The following STS variants were observed in gnomAD, a reference collection of about 807,000 sequenced individuals.
The protein encoded by STS is steryl-sulfatase.
Under a neutral mutation model 26.8 loss-of-function variants are expected in STS, and 7 were observed. The ratio of observed to expected loss-of-function variants is 0.26; its 90% CI spans 0.15 to 0.49. The LOEUF is 0.49. Among genes scored for constraint, STS ranks in the 20% least tolerant of loss-of-function variants. The pLI, the probability that STS is intolerant of heterozygous loss-of-function variation, is 0.98. For synonymous variants in STS, 199 were observed against 189.4 expected, an observed-to-expected ratio of 1.05 and a Z score of -0.42; for missense variants, 434 against 465.6, an observed-to-expected ratio of 0.93 and a Z score of 0.63.
At chrX:7,198,815 A>G (rs1386863788) in intron 2 of STS, among the ~76,000 whole-genome samples, 4 of 112,693 alleles carry the variant, frequency 3.5e-5, no homozygotes, top group African/African-American at 1.3e-4. Context: ...TTGAGTTTAT[A>G]TCCTCAAATA....
At chrX:7,336,840 G>A (rs1469193844) in intron 10 of STS, among the ~76,000 whole-genome samples, 1 of 112,025 alleles carries the variant, frequency 8.9e-6, no homozygotes, top group Admixed American at 9.5e-5. Context: ...AGAGAAGCGG[G>A]AAGGAACATA....
chrX:7,216,687 G>A (rs1338352082), intron 2 of STS, among the ~76,000 whole-genome samples: 4 of 111,468 alleles, frequency 3.6e-5, no homozygotes, highest in African/African-American at 1.3e-4. Context: ...AGGGTTCTGG[G>A]GGAAAGAGGG....
chrX:7,204,045 C>G (rs1934131431), intron 2 of STS, among the ~76,000 whole-genome samples: 1 of 111,963 alleles, frequency 8.9e-6, no homozygotes, highest in Non-Finnish European at 1.9e-5. Flanking sequence ...CTTGGCCTCC[C>G]AAAGTGCTGG....
chrX:7,292,099 A>C (rs1468841947), intron 7 of STS, among the ~76,000 whole-genome samples: 1 of 112,925 alleles, frequency 8.9e-6, no homozygotes, highest in African/African-American at 3.2e-5. Flanking sequence ...TTTTGTTTAC[A>C]CAACTTGACA....
chrX:7,200,750 G>T (rs780197454), intron 2 of STS, among the ~76,000 whole-genome samples: 29 of 111,314 alleles, frequency 2.6e-4, no homozygotes, highest in Non-Finnish European at 5.3e-4. Context: ...AGCATATTTT[G>T]TAGTCTCATC....
intron 1 of STS, among the ~76,000 whole-genome samples, chrX:7,175,152 A>C (rs113506709): frequency 1.1e-5 from 1 of 95,095 alleles, no homozygotes; most frequent in African/African-American, 4.0e-5. Context: ...TCCAAATTCT[A>C]TCTTTTTCAC....
intron 5 of STS, among the ~76,000 whole-genome samples, chrX:7,258,080 A>C (rs371182201): frequency 8.8e-4 from 88 of 100,548 alleles, no homozygotes; most frequent in African/African-American, 3.0e-3. Context: ...AGCTAGCTAG[A>C]TAGATAGAGA....
At chrX:7,204,527 C>G (rs1309689303) in intron 2 of STS, among the ~76,000 whole-genome samples, 2 of 84,623 alleles carry the variant, frequency 2.4e-5, no homozygotes, top group African/African-American at 4.4e-5. Context: ...CTTCCTCCCT[C>G]CCTCCCTCCC....
intron 10 of STS, among the ~76,000 whole-genome samples, chrX:7,344,455 G>A (rs1424045526): frequency 2.7e-5 from 3 of 111,211 alleles, no homozygotes; most frequent in Non-Finnish European, 3.8e-5. Context: ...TGGGAAGGTG[G>A]GGGTCTAGGA....
intron 3 of STS, 75 bp from the exon 4 acceptor site, chrX:7,257,167 G>A: frequency 1.7e-6 from 2 of 1,169,238 alleles, no homozygotes; most frequent in South Asian, 1.8e-5. Context: ...GTGACAGAGT[G>A]AGATCCTGTC....
At chrX:7,166,910 T>A (rs1318694760) in intron 1 of STS, among the ~76,000 whole-genome samples, 2 of 112,487 alleles carry the variant, frequency 1.8e-5, no homozygotes, top group Admixed American at 1.9e-4. Context: ...TGAAAACACT[T>A]GGTTTTACAT....
At chrX:7,203,856 C>A (rs1353096378) in intron 2 of STS, among the ~76,000 whole-genome samples, 1 of 111,492 alleles carries the variant, frequency 9.0e-6, no homozygotes, top group African/African-American at 3.3e-5. Flanking sequence ...ACAGTCATAG[C>A]TCATTGTAGC....
At chrX:7,297,122 G>A (rs927435329) in intron 7 of STS, among the ~76,000 whole-genome samples, 51 of 112,125 alleles carry the variant, frequency 4.5e-4, no homozygotes, top group African/African-American at 1.6e-3. Flanking sequence ...GTCTCATTAT[G>A]AGCATTGTTA....
intron 1 of STS, among the ~76,000 whole-genome samples, chrX:7,151,633 A>G (rs1013319327): frequency 8.9e-6 from 1 of 112,295 alleles, no homozygotes; most frequent in African/African-American, 3.2e-5. Context: ...ACTCTCGGAC[A>G]TATCTGGTAT....
chrX:7,261,467 G>A (rs1011487989), intron 6 of STS, among the ~76,000 whole-genome samples: 1 of 112,231 alleles, frequency 8.9e-6, no homozygotes, highest in African/African-American at 3.2e-5. Flanking sequence ...GTTAAGGTAT[G>A]TGGAAGCTAC....
At chrX:7,276,702 T>C (rs1924555796) in intron 7 of STS, among the ~76,000 whole-genome samples, 1 of 112,191 alleles carries the variant, frequency 8.9e-6, no homozygotes. Flanking sequence ...TGCAGCTGGC[T>C]ACAGCCTTGG....
chrX:7,279,739 A>G (rs914029658), intron 7 of STS, among the ~76,000 whole-genome samples: 4 of 110,235 alleles, frequency 3.6e-5, no homozygotes, highest in African/African-American at 6.6e-5. Context: ...TTCACCTTCT[A>G]TGGGAGAAAC....
chrX:7,337,279 G>A (rs999820057), intron 10 of STS, among the ~76,000 whole-genome samples: 4 of 111,937 alleles, frequency 3.6e-5, no homozygotes, highest in African/African-American at 6.5e-5. Flanking sequence ...TCGTCTTAGC[G>A]CTGGCATCTG....
In STS at chrX:7,353,840, C is replaced by A. The variant is rs186930115; in HGVS notation, c.*3579C>A. 6 of 111,796 alleles carry A rather than the reference C, an allele frequency of 5.4e-5. No homozygotes were observed. The highest frequency in any genetic ancestry group is 1.3e-4 in the African/African-American group (4 of 30,814). 9.2% of individuals were successfully genotyped at this position (111,796 alleles called of 1,213,427 possible). ...AAAGGTGTTGATTACATGGATACTTCTAAAAGCTAAAGCCTTGTTGCCTTC... is the reference window on the plus strand; with the variant it reads ...AAAGGTGTTGATTACATGGATACTTATAAAAGCTAAAGCCTTGTTGCCTTC... On this transcript the variant is annotated 3_prime_UTR_variant, in exon 11 of 11. Coordinates refer to ENST00000674429, the MANE Select transcript of STS (RefSeq NM_001320752.2).
Sources: gnomAD v4.1 joint callset for allele counts (sites outside exome capture counted in the v4.1 genomes callset) on GRCh38, gnomAD v4.1.1 for gene constraint, MANE v1.5 for transcripts, NCBI Gene and HGNC (gene_info 2026-07-23, HGNC 2026-07-21) for gene names.